Variants in ZFPM2 observed in about 807,000 individuals in gnomAD.
The protein encoded by ZFPM2 is zinc finger protein, FOG family member 2.
A neutral mutation model predicts 98.6 loss-of-function variants in ZFPM2; 20 were observed. That is an observed-to-expected ratio of 0.20 (90% CI 0.14 to 0.29). The LOEUF is 0.29. Among genes scored for constraint, ZFPM2 ranks in the 10% least tolerant of loss-of-function variants. The probability of loss-of-function intolerance (pLI) is 1.00; values close to 1 mark genes in which losing one functional copy is unlikely to be tolerated. For missense variants in ZFPM2, 1,310 were observed against 1,388.6 expected, an observed-to-expected ratio of 0.94 and a Z score of 0.90; for synonymous variants, 518 against 502.7, an observed-to-expected ratio of 1.03 and a Z score of -0.41.
At chr8:105,714,127 A>T (rs1231766206) in intron 5 of ZFPM2, among the ~76,000 whole-genome samples, 1 of 151,866 alleles carries the variant, frequency 6.6e-6, no homozygotes, top group African/African-American at 2.4e-5. Flanking sequence ...TTTGTCTGTG[A>T]TTTCTTTCAG....
intron 3 of ZFPM2, among the ~76,000 whole-genome samples, chr8:105,505,001 A>T (rs949857495): frequency 6.6e-6 from 1 of 152,190 alleles, no homozygotes; most frequent in African/African-American, 2.4e-5. Context: ...TTGACTATTC[A>T]CAAAAATGTC....
intron 1 of ZFPM2, among the ~76,000 whole-genome samples, chr8:105,332,079 G>A (rs1812243565): frequency 6.6e-6 from 1 of 151,580 alleles, no homozygotes; most frequent in African/African-American, 2.4e-5. Context: ...TATCTTTATG[G>A]GTCTTTGTTC....
chr8:105,521,172 C>A (rs1814050746), intron 3 of ZFPM2, among the ~76,000 whole-genome samples: 1 of 151,790 alleles, frequency 6.6e-6, no homozygotes, highest in African/African-American at 2.4e-5. Context: ...CACGCATGCA[C>A]ACACATGCAC....
intron 5 of ZFPM2, among the ~76,000 whole-genome samples, chr8:105,686,210 T>C (rs1469266560): frequency 6.6e-6 from 1 of 152,170 alleles, no homozygotes; most frequent in African/African-American, 2.4e-5. Context: ...TGTGTCCGTT[T>C]TCCATTGTTA....
chr8:105,412,832 G>A (rs527724837), intron 1 of ZFPM2, among the ~76,000 whole-genome samples: 3 of 151,872 alleles, frequency 2.0e-5, no homozygotes, highest in East Asian at 3.9e-4. Context: ...AATGTAATAG[G>A]AACCGAGTGA....
chr8:105,396,649 T>C (rs1172509389), intron 1 of ZFPM2, among the ~76,000 whole-genome samples: 1 of 152,224 alleles, frequency 6.6e-6, no homozygotes, highest in Non-Finnish European at 1.5e-5. Flanking sequence ...CATAAATATC[T>C]TCCGTTAGTG....
intron 2 of ZFPM2, among the ~76,000 whole-genome samples, chr8:105,435,086 G>T (rs555543234): frequency 1.4e-4 from 22 of 152,196 alleles, no homozygotes; most frequent in Admixed American, 9.2e-4. Flanking sequence ...ATATTCAAGT[G>T]CATTTCCCCG....
chr8:105,418,108 A>T (rs1335354585), intron 1 of ZFPM2, among the ~76,000 whole-genome samples: 1 of 152,118 alleles, frequency 6.6e-6, no homozygotes, highest in Non-Finnish European at 1.5e-5. Flanking sequence ...TATTTATAAG[A>T]TTGCTCCTTA....
chr8:105,575,152 G>A (rs1815437282), intron 4 of ZFPM2, among the ~76,000 whole-genome samples: 1 of 152,138 alleles, frequency 6.6e-6, no homozygotes, highest in Admixed American at 6.5e-5. Flanking sequence ...GAGGAGAAGG[G>A]GTGAGGGAGG....
At chr8:105,379,894 G>A (rs528344109) in intron 1 of ZFPM2, among the ~76,000 whole-genome samples, 11 of 152,158 alleles carry the variant, frequency 7.2e-5, no homozygotes, top group Admixed American at 2.0e-4. Context: ...AATGAGGAAT[G>A]AGAAAACTAT....
intron 4 of ZFPM2, among the ~76,000 whole-genome samples, chr8:105,621,324 G>C (rs1816539735): frequency 6.6e-6 from 1 of 152,112 alleles, no homozygotes; most frequent in Non-Finnish European, 1.5e-5. Context: ...TTGGCTCTCT[G>C]TTTGTCTGTT....
At chr8:105,356,950 T>C (rs1812759608) in intron 1 of ZFPM2, among the ~76,000 whole-genome samples, 1 of 152,196 alleles carries the variant, frequency 6.6e-6, no homozygotes, top group Non-Finnish European at 1.5e-5. Flanking sequence ...TTGCCATTGC[T>C]GAAAGTCTGC....
At chr8:105,475,537 C>G (rs1028621065) in intron 3 of ZFPM2, among the ~76,000 whole-genome samples, 7 of 152,188 alleles carry the variant, frequency 4.6e-5, no homozygotes, top group African/African-American at 1.7e-4. Context: ...AGTCACAATG[C>G]TACAGCCAAA....
intron 1 of ZFPM2, among the ~76,000 whole-genome samples, chr8:105,320,612 T>C (rs1257631890): frequency 6.6e-6 from 1 of 152,242 alleles, no homozygotes; most frequent in Non-Finnish European, 1.5e-5. Context: ...CAAATGCTTT[T>C]TAGTTCATGG....
intron 4 of ZFPM2, among the ~76,000 whole-genome samples, chr8:105,619,041 A>T (rs1816476422): frequency 6.6e-6 from 1 of 152,190 alleles, no homozygotes; most frequent in Non-Finnish European, 1.5e-5. Flanking sequence ...AAACCAAAAT[A>T]TTCACATAAA....
At chr8:105,720,727 T>G (rs779825367) in intron 5 of ZFPM2, among the ~76,000 whole-genome samples, 6 of 151,874 alleles carry the variant, frequency 4.0e-5, no homozygotes, top group Non-Finnish European at 7.4e-5. Flanking sequence ...ATCATCTCAC[T>G]TCTGAATTCT....
intron 5 of ZFPM2, among the ~76,000 whole-genome samples, chr8:105,656,409 T>G (rs552039869): frequency 4.6e-5 from 7 of 152,358 alleles, no homozygotes; most frequent in African/African-American, 1.7e-4. Flanking sequence ...TGTCAGAGTT[T>G]AAATGGATAT....
intron 3 of ZFPM2, among the ~76,000 whole-genome samples, chr8:105,453,138 A>T (rs1467427580): frequency 1.3e-5 from 2 of 152,236 alleles, no homozygotes; most frequent in Non-Finnish European, 2.9e-5. Flanking sequence ...GAGTACACAG[A>T]TAAATTAGTT....
chr8:105,705,913 C>T (rs1487248023), intron 5 of ZFPM2, among the ~76,000 whole-genome samples: 1 of 152,124 alleles, frequency 6.6e-6, no homozygotes, highest in Non-Finnish European at 1.5e-5. Context: ...AATAGATATC[C>T]TTCCTTCAGA....
Sources: allele counts gnomAD v4.1 joint callset (sites outside exome capture counted in the v4.1 genomes callset), GRCh38; gene constraint gnomAD v4.1.1; transcripts MANE v1.5; gene names NCBI Gene and HGNC (gene_info 2026-07-23, HGNC 2026-07-21).